POLR1A: variants seen among roughly 807,000 people sequenced by gnomAD.
The protein encoded by POLR1A is DNA-directed RNA polymerase I subunit RPA1.
In POLR1A, 84 loss-of-function variants were observed where a neutral mutation model predicts 205.3. The ratio of observed to expected loss-of-function variants is 0.41; its 90% confidence interval spans 0.34 to 0.49. The LOEUF is 0.49. Ranked by LOEUF, POLR1A falls within the 20% of genes least tolerant of loss-of-function variation. The probability of loss-of-function intolerance (pLI) is 0.22; values close to 1 mark genes in which losing one functional copy is unlikely to be tolerated. For missense variants in POLR1A, 1,645 were observed against 2,204.5 expected (o/e 0.75, Z 5.08); for synonymous variants, 799 against 863.7 (o/e 0.93, Z 1.31).
At chr2:86,045,246 C>CGA in intron 21 of POLR1A, 32 bp downstream of exon 21, 1 of 1,428,132 alleles carries the variant, frequency 7.0e-7, no homozygotes, top group Non-Finnish European at 9.9e-7. Flanking sequence ...CCCTGGCACT[C>CGA]TACCTCAAGG....
At position 86,089,864 on chromosome 2, in the gene POLR1A, A is replaced by T; in HGVS notation, c.498T>A (p.Thr166=). Residue 166 remains threonine (T), a synonymous_variant, in exon 4 of 34, where the codon ACT becomes ACA. Transcript: ENST00000263857. ...EIREELEQYT[T]EIVQNNLLGS... is the part of the protein sequence containing the mutation. ...CCAGGAGGTTGTTCTGCACAATTTC[A>T]GTTGTGTATTGTTCTAATTCCTCCC... 3 of 1,612,970 alleles carry T rather than the reference A, an allele frequency of 1.9e-6. No individual in the cohort carries two copies. Among genetic ancestry groups the T allele is most frequent in the Admixed American group, 3.3e-5 (2 of 60,020 alleles).
At chr2:86,035,835 T>C (rs1236189077) in intron 27 of POLR1A, among the ~76,000 whole-genome samples, 1 of 152,182 alleles carries the variant, frequency 6.6e-6, no homozygotes, top group Non-Finnish European at 1.5e-5. Flanking sequence ...CCTTCTGCCT[T>C]CCCTGCCTCT....
intron 9 of POLR1A, 117 bp from the exon 10 acceptor site, chr2:86,078,401 C>A (rs2104419903): frequency 1.4e-6 from 1 of 711,916 alleles, no homozygotes; most frequent in East Asian, 2.7e-5. Context: ...GAGTTTATCT[C>A]CTCTGAACCT....
intron 25 of POLR1A, 103 bp from the exon 26 acceptor site, chr2:86,039,565 A>C (rs1380146342): frequency 1.5e-6 from 2 of 1,347,676 alleles, no homozygotes; most frequent in Non-Finnish European, 2.1e-6. Flanking sequence ...AATCTGAGAG[A>C]GGCCTGGGGA....
At chr2:86,059,464 G>T (rs1034899784) in intron 14 of POLR1A, among the ~76,000 whole-genome samples, 1 of 152,160 alleles carries the variant, frequency 6.6e-6, no homozygotes, top group Non-Finnish European at 1.5e-5. Context: ...GGTCAAACAG[G>T]TGGTTGTAAA....
rs563422571 is a variant in POLR1A at position 86,026,790 on chromosome 2, C to T, written c.*633G>A. 183 of 155,002 alleles carry T rather than the reference C, an allele frequency of 1.2e-3. No individual in the cohort carries two copies. The highest frequency in any genetic ancestry group is 2.1e-3 in the Non-Finnish European group (145 of 69,758). The allele number at this position is 155,002 out of a possible 1,614,324, so 9.6% of individuals were successfully genotyped here. A position where few individuals can be genotyped will look rare whatever the true frequency, so the allele number is the denominator to read the frequency against. On this transcript the variant is annotated 3_prime_UTR_variant, in exon 34 of 34. Coordinates refer to ENST00000263857, the MANE Select transcript of POLR1A (RefSeq NM_015425.6). ...GACACCTCGCCACACAGTGGCAGGG[C>T]CAGGACCCTGGCCAGGCAGAGAGGT...
At chr2:86,055,017 G>A (rs373430659) in intron 14 of POLR1A, among the ~76,000 whole-genome samples, 3 of 152,138 alleles carry the variant, frequency 2.0e-5, no homozygotes, top group East Asian at 3.9e-4. Flanking sequence ...TGTGTGCAAC[G>A]AGGGCGCGGT....
chr2:86,040,067 C>A, intron 25 of POLR1A: 1 of 243,304 alleles, frequency 4.1e-6, no homozygotes, highest in Non-Finnish European at 7.9e-6. Flanking sequence ...AGTTGGGCAA[C>A]CAGGCACCTT....
In POLR1A at chr2:86,027,262, AGAG is replaced by A. The variant is rs1181515602; in HGVS notation, c.*158_*160del. The A allele has an allele frequency of 1.6e-6, 1 of 642,136 alleles. No individual in the cohort carries two copies. The highest frequency in any genetic ancestry group is 2.8e-6 in the Non-Finnish European group (1 of 356,906). 39.8% of individuals were successfully genotyped at this position (642,136 alleles called of 1,614,324 possible). On this transcript the variant is annotated 3_prime_UTR_variant, in exon 34 of 34. Coordinates refer to ENST00000263857, the MANE Select transcript of POLR1A (RefSeq NM_015425.6). ...TTTCCAGGTGAAGCTGGCCCAGCTC[AGAG>A]GCCCACTGCTTTCAGGCCCAAGGTC...
chr2:86,072,906 T>C (rs941288277), intron 12 of POLR1A, among the ~76,000 whole-genome samples: 12 of 152,102 alleles, frequency 7.9e-5, no homozygotes, highest in African/African-American at 2.7e-4. Context: ...ATGCAACACA[T>C]TAACCAAAGT....
chr2:86,082,978 C>T, intron 7 of POLR1A, 104 bp downstream of exon 7: 5 of 842,240 alleles, frequency 5.9e-6, no homozygotes, highest in Admixed American at 4.2e-5. Context: ...CAGGAGGAAG[C>T]TACAATCACT....
chr2:86,028,518 C>G lies in POLR1A; in HGVS notation c.4897+76G>C. On this transcript the variant is annotated intron_variant, in intron 32 of 33. Transcript: ENST00000263857. The surrounding 1 kb of genome is among the most constrained non-coding windows in gnomAD (Gnocchi z 4.5). ...GACTCGGTGCTGGACCGACACGGTC[C>G]TGACCCTCCTGCCGAGCCTTCTGGT... is the stretch of plus-strand genomic sequence containing the variant. 1 of 1,047,300 alleles carries G rather than the reference C, an allele frequency of 9.5e-7. No homozygotes were observed. The highest frequency in any genetic ancestry group is 1.5e-6 in the Non-Finnish European group (1 of 664,200). The allele number at this position is 1,047,300 out of a possible 1,614,324, so 64.9% of individuals were successfully genotyped here.
Position 86,048,788 on chromosome 2 carries a change from G to A in POLR1A, c.2634+96C>T, listed in dbSNP as rs115612296. ...ACCTAGTCAGCTGTTCAACAGCCAA[G>A]GTGCTCTGTAGGGCCCAGGTGAGAA... On this transcript the variant is annotated intron_variant, in intron 18 of 33. Transcript: ENST00000263857. The A allele has an allele frequency of 2.9e-3, 3,260 of 1,128,868 alleles. 76 individuals carry two copies. The African/African-American group carries it at 0.043, about 15-fold the overall frequency. The allele number at this position is 1,128,868 out of a possible 1,614,324, so 69.9% of individuals were successfully genotyped here.
In POLR1A at chr2:86,060,077, T is replaced by C. The variant is rs535447951; in HGVS notation, c.2058+5197A>G. 3.9e-5 allele frequency among the ~76,000 whole-genome samples: 6 copies of C among 152,322 alleles called. No individual in the cohort carries two copies. In the South Asian group the frequency reaches 1.2e-3, roughly 32 times the overall value. On this transcript the variant is annotated intron_variant, in intron 14 of 33. Transcript: ENST00000263857. ...TAATTGTATTTCTAGACACCAATCA[T>C]AAACAATTAGAAAATTTAATAGACA...
intron 14 of POLR1A, among the ~76,000 whole-genome samples, chr2:86,060,238 A>G (rs773221958): frequency 6.6e-6 from 1 of 152,230 alleles, no homozygotes; most frequent in African/African-American, 2.4e-5. Flanking sequence ...CCCTAAAGTG[A>G]CCTACAGAGG....
At chr2:86,071,265 T>C (rs1276804209) in intron 12 of POLR1A, among the ~76,000 whole-genome samples, 2 of 150,054 alleles carry the variant, frequency 1.3e-5, no homozygotes, top group South Asian at 2.1e-4. Context: ...TGTGTGTCTA[T>C]GGGAAAGGGG....
intron 1 of POLR1A, 26 bp downstream of exon 1, chr2:86,105,674 G>A: frequency 1.3e-6 from 2 of 1,546,520 alleles, no homozygotes; most frequent in Non-Finnish European, 1.8e-6. Flanking sequence ...ATCCAGGCTG[G>A]GCACGCTACC....
intron 14 of POLR1A, among the ~76,000 whole-genome samples, chr2:86,062,755 G>A (rs950692518): frequency 7.9e-5 from 12 of 151,868 alleles, no homozygotes; most frequent in African/African-American, 2.9e-4. Flanking sequence ...TAAAACCAAA[G>A]ACTTTTTTTT....
intron 12 of POLR1A, among the ~76,000 whole-genome samples, chr2:86,074,594 GC>G (rs1673245426): frequency 6.6e-6 from 1 of 152,168 alleles, no homozygotes; most frequent in African/African-American, 2.4e-5. Flanking sequence ...ATTAGCAATT[GC>G]CCAAAATGGA....
Sources: gnomAD v4.1 joint callset for allele counts (sites outside exome capture counted in the v4.1 genomes callset) on GRCh38, gnomAD v4.1.1 for gene constraint, Gnocchi (gnomAD v3.1) non-coding constraint, MANE v1.5 for transcripts, NCBI Gene and HGNC (gene_info 2026-07-23, HGNC 2026-07-21) for gene names.